GOLGA7: variants seen among roughly 807,000 people sequenced by gnomAD.
GOLGA7 encodes the protein golgin subfamily A member 7.
In GOLGA7, 10 loss-of-function variants were observed where a neutral mutation model predicts 21.1. That is an observed-to-expected ratio of 0.47 (90% confidence interval 0.29 to 0.80). The LOEUF (loss-of-function observed/expected upper bound fraction) is 0.80. GOLGA7 is among the 30% of genes least tolerant of loss of function. GOLGA7 has a pLI of 0.08. For missense variants in GOLGA7, 114 were observed against 166.8 expected, an observed-to-expected ratio of 0.68 and a Z score of 1.74; for synonymous variants, 64 against 62.6, an observed-to-expected ratio of 1.02 and a Z score of -0.10.
At chr8:41,493,194 G>T (rs1805927202) in intron 1 of GOLGA7, among the ~76,000 whole-genome samples, 1 of 152,174 alleles carries the variant, frequency 6.6e-6, no homozygotes, top group African/African-American at 2.4e-5. Flanking sequence ...TATGTGTGTT[G>T]AGATTAAATT....
rs1423941437 is a variant in GOLGA7 at position 41,510,370 on chromosome 8, C to T, written c.*802C>T. 6.6e-6 allele frequency: 1 copy of T among 152,434 alleles called. No individual in the cohort carries two copies. The highest frequency in any genetic ancestry group is 1.9e-4 in the East Asian group (1 of 5,200). 9.4% of individuals were successfully genotyped at this position (152,434 alleles called of 1,614,324 possible). A position where few individuals can be genotyped will look rare whatever the true frequency, so the allele number is the denominator to read the frequency against. On this transcript the variant is annotated 3_prime_UTR_variant, in exon 5 of 5. Coordinates refer to ENST00000357743, the MANE Select transcript of GOLGA7 (RefSeq NM_001002296.2). ...CAAACCATCAGACACATAAATGTTC[C>T]CGCTGTGTCCCTGGATATGGAATAA...
At chr8:41,500,900 A>G (rs903325410) in intron 2 of GOLGA7, among the ~76,000 whole-genome samples, 2 of 152,180 alleles carry the variant, frequency 1.3e-5, no homozygotes, top group African/African-American at 4.8e-5. Context: ...GGATATGTTG[A>G]TAGTTGGTAT....
intron 2 of GOLGA7, among the ~76,000 whole-genome samples, chr8:41,500,104 T>C (rs1433599463): frequency 6.6e-6 from 1 of 152,232 alleles, no homozygotes; most frequent in African/African-American, 2.4e-5. Flanking sequence ...CTAAGCAAAG[T>C]GCTGGGACAT....
intron 1 of GOLGA7, among the ~76,000 whole-genome samples, chr8:41,496,974 A>AT (rs1156256775): frequency 1.3e-5 from 2 of 151,158 alleles, no homozygotes; most frequent in Admixed American, 6.6e-5. Context: ...TGCCCGGCTA[A>AT]TTTTTTTTGG....
intron 1 of GOLGA7, among the ~76,000 whole-genome samples, chr8:41,494,066 C>T (rs369208673): frequency 1.8e-4 from 27 of 152,208 alleles, no homozygotes; most frequent in African/African-American, 6.3e-4. Context: ...TTTCTTTAAC[C>T]ATTTATCCTT....
chr8:41,509,250 T>C (rs1300258685), intron 4 of GOLGA7, among the ~76,000 whole-genome samples: 2 of 152,184 alleles, frequency 1.3e-5, no homozygotes, highest in African/African-American at 4.8e-5. Context: ...GAGGTAGATA[T>C]TGTTATCCCT....
At chr8:41,496,849 C>T (rs10102901) in intron 1 of GOLGA7, among the ~76,000 whole-genome samples, 11,889 of 142,896 alleles carry the variant, frequency 0.083, 572 homozygotes, top group Middle Eastern at 0.16. Context: ...GCTCTGTCAC[C>T]CAGGCTGGAG....
At chr8:41,507,886 A>G (rs1388132315) in intron 4 of GOLGA7, among the ~76,000 whole-genome samples, 1 of 152,202 alleles carries the variant, frequency 6.6e-6, no homozygotes, top group African/African-American at 2.4e-5. Flanking sequence ...GTCACTAATT[A>G]ATAGACAGCA....
At chr8:41,504,759 C>A (rs868710988) in intron 2 of GOLGA7, among the ~76,000 whole-genome samples, 1 of 152,084 alleles carries the variant, frequency 6.6e-6, no homozygotes, top group African/African-American at 2.4e-5. Context: ...TTAGAAAATT[C>A]TTTATATGAA....
chr8:41,505,594 CTG>C (rs1317477440), intron 2 of GOLGA7, among the ~76,000 whole-genome samples: 9 of 152,304 alleles, frequency 5.9e-5, no homozygotes, highest in African/African-American at 1.9e-4. Flanking sequence ...ATATAACCAT[CTG>C]TGTGTTTCTC....
intron 2 of GOLGA7, among the ~76,000 whole-genome samples, chr8:41,504,544 T>C (rs1276978088): frequency 1.3e-5 from 2 of 152,128 alleles, no homozygotes; most frequent in African/African-American, 4.8e-5. Context: ...ATGCTGAAAA[T>C]AGGAGAATGA....
chr8:41,509,130 A>G (rs1411262734), intron 4 of GOLGA7, among the ~76,000 whole-genome samples: 1 of 152,258 alleles, frequency 6.6e-6, no homozygotes, highest in Non-Finnish European at 1.5e-5. Flanking sequence ...AAAATGGAAT[A>G]CATGATTATT....
rs1401953875 is a variant in GOLGA7 at position 41,505,801 on chromosome 8, A to C, written c.265-110A>C. ...GCTGTATTCCACCATATGAATATCC[A>C]TGTGACTTGCCTTGAAAACGAATTC... is the stretch of plus-strand genomic sequence containing the variant. On this transcript the variant is annotated intron_variant, in intron 2 of 4. Transcript: ENST00000357743. 5.1e-6 allele frequency: 3 copies of C among 593,206 alleles called. No individual in the cohort carries two copies. In the African/African-American group the frequency reaches 5.7e-5, roughly 11 times the overall value. The allele number at this position is 593,206 out of a possible 1,614,324, so 36.7% of individuals were successfully genotyped here.
rs1042938747 is a variant in GOLGA7, at chr8:41,490,593, A to C, written c.-262A>C. ...TAAGTGACGGCGAAGGCGGTGCGAC[A>C]GCAGCTGGAGGGCAGAGGAGGCGGG... On this transcript the variant is annotated 5_prime_UTR_variant, in exon 1 of 5. Coordinates refer to ENST00000357743, the MANE Select transcript of GOLGA7 (RefSeq NM_001002296.2). 23 of 467,866 alleles carry C rather than the reference A, an allele frequency of 4.9e-5. No individual in the cohort carries two copies. Among genetic ancestry groups the C allele is most frequent in the Non-Finnish European group, 8.4e-5 (22 of 262,746 alleles). The allele number at this position is 467,866 out of a possible 1,614,324, so 29.0% of individuals were successfully genotyped here.
chr8:41,505,190 C>G (rs149039419), intron 2 of GOLGA7, among the ~76,000 whole-genome samples: 66 of 152,304 alleles, frequency 4.3e-4, no homozygotes, highest in African/African-American at 1.2e-3. Context: ...TGTATCCTAT[C>G]TGGTTTTTGT....
chr8:41,507,932 C>T (rs139969152), intron 4 of GOLGA7, among the ~76,000 whole-genome samples: 1,896 of 152,284 alleles, frequency 0.012, 24 homozygotes, highest in Non-Finnish European at 0.019. Context: ...CACATGTCTT[C>T]CTAGGGCAAC....
rs1253148656 is a variant in GOLGA7, at chr8:41,510,111, T to C, written c.*543T>C. 2.0e-5 allele frequency: 3 copies of C among 152,684 alleles called. No homozygotes were observed. Among genetic ancestry groups the C allele is most frequent in the African/African-American group, 7.2e-5 (3 of 41,476 alleles). 9.5% of individuals were successfully genotyped at this position (152,684 alleles called of 1,614,324 possible). The stretch of plus-strand genomic sequence containing the variant: ...TACTGGTTTTACCATGACTCAAATC[T>C]TAAGATCTGTTTCTACTATTCAGTT... On this transcript the variant is annotated 3_prime_UTR_variant, in exon 5 of 5. Coordinates refer to ENST00000357743, the MANE Select transcript of GOLGA7 (RefSeq NM_001002296.2).
chr8:41,495,283 T>TTTTC (rs1805982588), intron 1 of GOLGA7, among the ~76,000 whole-genome samples: 1 of 151,664 alleles, frequency 6.6e-6, no homozygotes. Context: ...TGAGGGTTTT[T>TTTTC]TTTCTTTCTT....
At chr8:41,502,762 G>A (rs887108354) in intron 2 of GOLGA7, 1 of 152,200 alleles carries the variant, frequency 6.6e-6, no homozygotes, top group Non-Finnish European at 1.5e-5. Flanking sequence ...AGGGAGGACA[G>A]TAGTTTTTCC....
Sources: allele counts gnomAD v4.1 joint callset (sites outside exome capture counted in the v4.1 genomes callset), GRCh38; gene constraint gnomAD v4.1.1; transcripts MANE v1.5; gene names NCBI Gene and HGNC (gene_info 2026-07-23, HGNC 2026-07-21).